Variants in SLC25A46 observed in about 807,000 individuals in gnomAD.
The protein encoded by SLC25A46 is solute carrier family 25 member 46, also known as mitochondrial outer membrane protein SLC25A46.
SLC25A46 carries 39 observed loss-of-function variants against 44.6 expected under a neutral mutation model. That is an observed-to-expected ratio of 0.87 (90% CI 0.68 to 1.14). The LOEUF (loss-of-function observed/expected upper bound fraction) is 1.14, where lower values mean the gene tolerates loss of function less well. SLC25A46 is among the 50% of genes most tolerant of loss of function. The pLI is 0.00. For synonymous variants in SLC25A46, 202 were observed against 185.8 expected (o/e 1.09, Z -0.71); for missense variants, 547 against 522.7 (o/e 1.05, Z -0.45).
chr5:110,760,951 G>A (rs1420133628), intron 7 of SLC25A46, among the ~76,000 whole-genome samples: 2 of 151,988 alleles, frequency 1.3e-5, no homozygotes, highest in East Asian at 3.9e-4. Context: ...AGTTTCTTGA[G>A]ATGTATCCAC....
At position 110,746,352 on chromosome 5, in the gene SLC25A46, A is replaced by G; in HGVS notation, c.462+6A>G. 7.0e-6 allele frequency: 11 copies of G among 1,568,012 alleles called. No homozygotes were observed. Among genetic ancestry groups the G allele is most frequent in the Non-Finnish European group, 9.5e-6 (11 of 1,159,068 alleles). On this transcript the variant is annotated splice_donor_region_variant and intron_variant, in intron 4 of 7. Transcript: ENST00000355943. ...ACAGTTTCAACAAAACTCAGGTGAG[A>G]ATTTTGTCTGGATTCTATTAAAGGT...
upstream of SLC25A46, chr5:110,738,376 A>T (rs1286901915): frequency 3.4e-6 from 2 of 585,024 alleles, no homozygotes; most frequent in Non-Finnish European, 4.6e-6. Flanking sequence ...ACAGAAAACT[A>T]TAGTTTCTTT....
At chr5:110,748,119 G>T (rs373621754) in intron 4 of SLC25A46, 44 bp from the exon 5 acceptor site, 1 of 1,336,906 alleles carries the variant, frequency 7.5e-7, no homozygotes, top group Non-Finnish European at 1.1e-6. Flanking sequence ...TTGTGTTTCA[G>T]ATGTAGGTAT....
upstream of SLC25A46, chr5:110,738,786 AG>A (rs1454514407): frequency 2.5e-6 from 1 of 398,612 alleles, no homozygotes; most frequent in Non-Finnish European, 4.4e-6. Flanking sequence ...CCTCCCATGC[AG>A]GCCCTATTCC....
intron 5 of SLC25A46, chr5:110,755,242 C>G: frequency 3.0e-6 from 1 of 333,994 alleles, no homozygotes; most frequent in African/African-American, 2.2e-5. Flanking sequence ...TCTCTGCCAG[C>G]CCCTTCTATC....
At chr5:110,746,388 G>T (rs1429869973) in intron 4 of SLC25A46, 42 bp downstream of exon 4, 7 of 1,341,992 alleles carry the variant, frequency 5.2e-6, no homozygotes, top group Non-Finnish European at 7.2e-6. Flanking sequence ...TTATATAAGT[G>T]TCATTTGGGT....
At chr5:110,759,706 G>A (rs553776339) in intron 7 of SLC25A46, among the ~76,000 whole-genome samples, 1 of 152,194 alleles carries the variant, frequency 6.6e-6, no homozygotes, top group Admixed American at 6.6e-5. Flanking sequence ...TGAGAAGGAT[G>A]GAAAGTCTTT....
At chr5:110,752,536 T>TA (rs1799991296) in intron 5 of SLC25A46, among the ~76,000 whole-genome samples, 1 of 152,184 alleles carries the variant, frequency 6.6e-6, no homozygotes, top group Admixed American at 6.6e-5. Context: ...ACATCTGTGG[T>TA]TATACCACTG....
intron 1 of SLC25A46, 75 bp downstream of exon 1, chr5:110,739,477 C>T (rs1347042954): frequency 2.7e-6 from 4 of 1,484,212 alleles, no homozygotes; most frequent in African/African-American, 1.4e-5. Context: ...ACCCCGGAAG[C>T]GGCGCAGAGG....
chr5:110,750,342 T>C (rs1353940546), intron 5 of SLC25A46, among the ~76,000 whole-genome samples: 2 of 152,094 alleles, frequency 1.3e-5, no homozygotes, highest in African/African-American at 4.8e-5. Context: ...AAGTTAGTAC[T>C]TATAGTCAAA....
At chr5:110,743,901 A>C (rs1317754072) in intron 3 of SLC25A46, 114 bp downstream of exon 3, 1 of 787,544 alleles carries the variant, frequency 1.3e-6, no homozygotes, top group African/African-American at 1.8e-5. Context: ...GAAATGTTCC[A>C]AACTTTTTGG....
rs1474876615 is a variant in SLC25A46 at position 110,739,492 on chromosome 5, C to T, written c.283+90C>T. ...ACCCCGGAAGCGGCGCAGAGGATCCCGCCTCCTATTCCTTCTCATCCTATC... is the reference window on the plus strand; with the variant it reads ...ACCCCGGAAGCGGCGCAGAGGATCCTGCCTCCTATTCCTTCTCATCCTATC... On this transcript the variant is annotated intron_variant, in intron 1 of 7. Transcript: ENST00000355943. 4.1e-6 allele frequency: 6 copies of T among 1,463,318 alleles called. No homozygotes were observed. In the Admixed American group the frequency reaches 8.3e-5, roughly 20 times the overall value. 90.6% of individuals were successfully genotyped at this position (1,463,318 alleles called of 1,614,324 possible).
At chr5:110,746,215 T>A in intron 3 of SLC25A46, 54 bp from the exon 4 acceptor site, 2 of 1,350,204 alleles carry the variant, frequency 1.5e-6, no homozygotes, top group Non-Finnish European at 2.1e-6. Flanking sequence ...CATGGCTCTG[T>A]TATTTCTTGA....
intron 7 of SLC25A46, among the ~76,000 whole-genome samples, chr5:110,759,924 C>T (rs866682112): frequency 1.3e-5 from 2 of 152,078 alleles, no homozygotes; most frequent in African/African-American, 4.8e-5. Context: ...ATACAGTGCT[C>T]CTCCACTCAC....
At chr5:110,744,554 A>G (rs1399071239) in intron 3 of SLC25A46, among the ~76,000 whole-genome samples, 1 of 152,234 alleles carries the variant, frequency 6.6e-6, no homozygotes, top group African/African-American at 2.4e-5. Context: ...AATCATCTTC[A>G]TTAAAAATAC....
At chr5:110,751,748 G>T (rs1374791934) in intron 5 of SLC25A46, among the ~76,000 whole-genome samples, 1 of 152,172 alleles carries the variant, frequency 6.6e-6, no homozygotes, top group East Asian at 1.9e-4. Context: ...ATAGAGGTAA[G>T]TGGACAGTTT....
In SLC25A46 at chr5:110,761,561, A is replaced by G. The variant is rs1561610023; in HGVS notation, c.1036A>G (p.Thr346Ala). Reference sequence around the variant, plus strand: ...TTTGCACCGCCTTCACATTCAAGGAACACGCACAATAATTGACAATACAGA... The same window carrying G: ...TTTGCACCGCCTTCACATTCAAGGAGCACGCACAATAATTGACAATACAGA... Reference protein sequence around the residue: ...TVLHRLHIQGTRTIIDNTDLG... With the variant: ...TVLHRLHIQGARTIIDNTDLG... The change falls in exon 8 of 8, where the codon ACA (threonine) becomes GCA (alanine). Residue 346 changes from threonine (T) to alanine (A), a missense_variant. Physicochemically the swap from Thr to Ala is moderately conservative, Grantham distance 58. Coordinates refer to ENST00000355943, the MANE Select transcript of SLC25A46 (RefSeq NM_138773.4). The surrounding 1 kb of genome is among the most constrained non-coding windows in gnomAD (Gnocchi z 5.3). 1.9e-6 allele frequency: 3 copies of G among 1,613,838 alleles called. No individual in the cohort carries two copies. Among genetic ancestry groups the G allele is most frequent in the Non-Finnish European group, 2.5e-6 (3 of 1,179,808 alleles).
chr5:110,760,173 A>C (rs1276476136), intron 7 of SLC25A46, among the ~76,000 whole-genome samples: 3 of 152,154 alleles, frequency 2.0e-5, no homozygotes, highest in African/African-American at 7.2e-5. Context: ...TCTGGACAGC[A>C]ACCTTGGGGT....
At position 110,761,410 on chromosome 5, in the gene SLC25A46, C is replaced by A. The variant is rs751778075; in HGVS notation, c.885C>A (p.Tyr295Ter). 6.2e-7 allele frequency: 1 copy of A among 1,613,660 alleles called. No homozygotes were observed. The highest frequency in any genetic ancestry group is 1.1e-5 in the South Asian group (1 of 91,060). ...FVLLILKRKT[Y>*]NSHLAESTSP... ...TACTAATTCTAAAGAGAAAGACTTACAATAGCCACCTAGCTGAGAGCACTA... is the reference window on the plus strand; with the variant it reads ...TACTAATTCTAAAGAGAAAGACTTAAAATAGCCACCTAGCTGAGAGCACTA... The change falls in exon 8 of 8, where the codon TAC becomes TAA. Residue 295 changes from tyrosine to a stop codon, truncating the protein, a stop_gained. Coordinates refer to ENST00000355943, the MANE Select transcript of SLC25A46 (RefSeq NM_138773.4). LOFTEE classifies it high-confidence loss of function. This position sits in a 1 kb window ranked among gnomAD's most constrained non-coding sequence, Gnocchi z 5.3.
Sources: allele counts gnomAD v4.1 joint callset (sites outside exome capture counted in the v4.1 genomes callset), GRCh38; gene constraint gnomAD v4.1.1; non-coding constraint Gnocchi (gnomAD v3.1); transcripts MANE v1.5; gene names NCBI Gene and HGNC (gene_info 2026-07-23, HGNC 2026-07-21).